TBC1D32: variants seen among roughly 807,000 people sequenced by gnomAD.
TBC1D32 encodes the protein TBC1 domain family member 32.
Under a neutral mutation model 170.3 loss-of-function variants are expected in TBC1D32, and 151 were observed. That is an observed-to-expected ratio of 0.89 (90% CI 0.78 to 1.01). The LOEUF is 1.01. Ranked by LOEUF, TBC1D32 falls within the 50% of genes least tolerant of loss-of-function variation. The pLI, the probability that TBC1D32 is intolerant of heterozygous loss-of-function variation, is 0.00. For synonymous variants in TBC1D32, 498 were observed against 488.0 expected (o/e 1.02, Z -0.27); for missense variants, 1,464 against 1,457.1 (o/e 1.00, Z -0.08).
At chr6:121,157,294 T>C (rs554379588) in intron 24 of TBC1D32, among the ~76,000 whole-genome samples, 23 of 152,284 alleles carry the variant, frequency 1.5e-4, no homozygotes, top group African/African-American at 5.5e-4. Flanking sequence ...TTGTTGTTGG[T>C]TAAAAGTCTA....
chr6:121,095,629 G>C (rs1213065999), intron 30 of TBC1D32, among the ~76,000 whole-genome samples: 1 of 152,116 alleles, frequency 6.6e-6, no homozygotes, highest in African/African-American at 2.4e-5. Flanking sequence ...TTTATTGCGA[G>C]TTTTTAGCAT....
intron 22 of TBC1D32, among the ~76,000 whole-genome samples, chr6:121,189,472 G>C (rs1328173525): frequency 6.7e-6 from 1 of 150,116 alleles, no homozygotes; most frequent in Non-Finnish European, 1.5e-5. Flanking sequence ...TAATATTAAT[G>C]TTCATTATAT....
rs561074050 is a variant in TBC1D32, at chr6:121,288,713, T to C, written c.1372+3340A>G. Among the ~76,000 whole-genome samples, 317 of 152,170 alleles carry C rather than the reference T, an allele frequency of 2.1e-3. 1 individual carries two copies. The highest frequency in any genetic ancestry group is 7.3e-3 in the African/African-American group (305 of 41,546). ...GAGACACAACAAAAAAAGAGAATTT[T>C]AGACCAATATCCCACATGAACATCG... On this transcript the variant is annotated intron_variant, in intron 12 of 31. Transcript: ENST00000398212.
intron 24 of TBC1D32, among the ~76,000 whole-genome samples, chr6:121,149,765 T>G (rs960115266): frequency 2.0e-4 from 30 of 152,222 alleles, no homozygotes; most frequent in African/African-American, 6.3e-4. Context: ...CACATGAAAT[T>G]TAAAGTACAT....
intron 17 of TBC1D32, among the ~76,000 whole-genome samples, chr6:121,246,647 T>C (rs1797657185): frequency 1.3e-5 from 2 of 151,664 alleles, no homozygotes; most frequent in African/African-American, 4.8e-5. Flanking sequence ...CAATTCAGTA[T>C]ATGAAAGAAA....
At chr6:121,316,287 C>G (rs2128494665) in intron 3 of TBC1D32, among the ~76,000 whole-genome samples, 1 of 152,006 alleles carries the variant, frequency 6.6e-6, no homozygotes, top group East Asian at 1.9e-4. Flanking sequence ...TCTTATGTTC[C>G]CATTTCAATG....
In TBC1D32 at chr6:121,142,104, C is replaced by T. The variant is rs539855057; in HGVS notation, c.2774-10352G>A. On this transcript the variant is annotated intron_variant, in intron 24 of 31. Coordinates refer to ENST00000398212, the MANE Select transcript of TBC1D32 (RefSeq NM_152730.6). The stretch of plus-strand genomic sequence containing the variant: ...TCATTAAATCTGTACTAAATAAATG[C>T]GAGCATCGCCAGCTTAGGGGGGCTG... 1.8e-4 allele frequency among the ~76,000 whole-genome samples: 28 copies of T among 152,330 alleles called. 1 individual carries two copies. In the East Asian group the frequency reaches 3.7e-3, roughly 20 times the overall value.
At chr6:121,285,669 T>C (rs1187382478) in intron 12 of TBC1D32, among the ~76,000 whole-genome samples, 2 of 152,144 alleles carry the variant, frequency 1.3e-5, no homozygotes, top group African/African-American at 4.8e-5. Context: ...GCTGGACATC[T>C]GAGAACTGAC....
Position 121,303,677 on chromosome 6 carries a change from C to CA in TBC1D32, c.1019dup (p.Leu340PhefsTer11). Reference sequence around the variant, plus strand: ...CTAATGCAAAAAAGTAGATCGGATCCAAAATCTTTTGTGAGACAACATGGC... The same window carrying CA: ...CTAATGCAAAAAAGTAGATCGGATCCAAAAATCTTTTGTGAGACAACATGGC... On this transcript the variant is annotated frameshift_variant, in exon 9 of 32. Coordinates refer to ENST00000398212, the MANE Select transcript of TBC1D32 (RefSeq NM_152730.6). LOFTEE classifies it high-confidence loss of function. 6.3e-7 allele frequency: 1 copy of CA among 1,597,944 alleles called. No homozygotes were observed. The highest frequency in any genetic ancestry group is 1.1e-5 in the South Asian group (1 of 88,546).
At position 121,086,017 on chromosome 6, in the gene TBC1D32, A is replaced by G. The variant is rs371888449; in HGVS notation, c.3654+4836T>C. 3.9e-5 allele frequency among the ~76,000 whole-genome samples: 6 copies of G among 152,234 alleles called. No homozygotes were observed. In the East Asian group the frequency reaches 9.7e-4, roughly 25 times the overall value. The stretch of plus-strand genomic sequence containing the variant: ...GCTGGAGAAAAATGGGAGCAAAAGT[A>G]CACCAAAGTGTAGGTATGCACTCAG... On this transcript the variant is annotated intron_variant, in intron 31 of 31. Transcript: ENST00000398212.
intron 1 of TBC1D32, among the ~76,000 whole-genome samples, chr6:121,332,278 A>G (rs1423998778): frequency 6.6e-6 from 1 of 152,156 alleles, no homozygotes; most frequent in Admixed American, 6.5e-5. Flanking sequence ...TCAGTACAAT[A>G]AGGTTAAAGG....
chr6:121,122,692 C>G (rs1398089812), intron 26 of TBC1D32, among the ~76,000 whole-genome samples: 1 of 152,066 alleles, frequency 6.6e-6, no homozygotes, highest in African/African-American at 2.4e-5. Context: ...CACCTTTTAA[C>G]TTACTGAATA....
rs141801803 is a variant in TBC1D32, at chr6:121,162,381, A to G, written c.2571-1325T>C. Among the ~76,000 whole-genome samples, 63 of 152,258 alleles carry G rather than the reference A, an allele frequency of 4.1e-4. No homozygotes were observed. The East Asian group carries it at 8.3e-3, about 20-fold the overall frequency. ...CACCTTGAGTTGATTTTTGTATACAATGTAACTGAAGGAACGTATCACAAA... is the reference window on the plus strand; with the variant it reads ...CACCTTGAGTTGATTTTTGTATACAGTGTAACTGAAGGAACGTATCACAAA... On this transcript the variant is annotated intron_variant, in intron 22 of 31. Coordinates refer to ENST00000398212, the MANE Select transcript of TBC1D32 (RefSeq NM_152730.6).
At chr6:121,263,393 A>G (rs916656993) in intron 15 of TBC1D32, among the ~76,000 whole-genome samples, 6 of 152,194 alleles carry the variant, frequency 3.9e-5, no homozygotes, top group Admixed American at 2.0e-4. Flanking sequence ...AGAGCTAACT[A>G]TCCGAAATAT....
At chr6:121,135,026 C>A (rs571746976) in intron 24 of TBC1D32, among the ~76,000 whole-genome samples, 15 of 152,210 alleles carry the variant, frequency 9.9e-5, no homozygotes, top group Non-Finnish European at 1.5e-4. Context: ...ATTAAAAGTG[C>A]AGCCTACAAG....
Position 121,131,699 on chromosome 6 carries a change from C to G in TBC1D32, c.2827G>C (p.Glu943Gln). 1 of 1,609,814 alleles carries G rather than the reference C, an allele frequency of 6.2e-7. No homozygotes were observed. The highest frequency in any genetic ancestry group is 8.5e-7 in the Non-Finnish European group (1 of 1,177,514). The change falls in exon 25 of 32, where the codon GAA (glutamate) becomes CAA (glutamine). Residue 943 changes from glutamate to glutamine, a missense_variant. Transcript: ENST00000398212. ...LCLKISDKQTEWIENCQRQFC... is the reference protein window; with the variant it reads ...LCLKISDKQTQWIENCQRQFC... Reference sequence around the variant, plus strand: ...TGTCTTTGGCAGTTTTCTATCCATTCAGTTTGTTTATCAGATATTTTGAGG... The same window carrying G: ...TGTCTTTGGCAGTTTTCTATCCATTGAGTTTGTTTATCAGATATTTTGAGG...
intron 22 of TBC1D32, among the ~76,000 whole-genome samples, chr6:121,195,447 C>T (rs894389751): frequency 6.6e-6 from 1 of 152,156 alleles, no homozygotes; most frequent in Admixed American, 6.5e-5. Context: ...GAATGTTTGA[C>T]TGTGGGTCAA....
chr6:121,231,708 T>C (rs1795762645), intron 20 of TBC1D32, among the ~76,000 whole-genome samples: 1 of 152,156 alleles, frequency 6.6e-6, no homozygotes, highest in African/African-American at 2.4e-5. Context: ...TGGCCATTTG[T>C]GTATCTTCTT....
intron 22 of TBC1D32, among the ~76,000 whole-genome samples, chr6:121,174,833 C>G (rs905983805): frequency 1.3e-5 from 2 of 151,950 alleles, no homozygotes; most frequent in Non-Finnish European, 2.9e-5. Flanking sequence ...GAATTCGAGG[C>G]CAGCCTGGGC....
Sources: gnomAD v4.1 joint callset for allele counts (sites outside exome capture counted in the v4.1 genomes callset) on GRCh38, gnomAD v4.1.1 for gene constraint, MANE v1.5 for transcripts, NCBI Gene and HGNC (gene_info 2026-07-23, HGNC 2026-07-21) for gene names.